Variants in USP54 observed in about 807,000 individuals in gnomAD.
USP54 encodes ubiquitin carboxyl-terminal hydrolase 54.
Under a neutral mutation model 170.5 loss-of-function variants are expected in USP54, and 87 were observed. The ratio of observed to expected loss-of-function variants is 0.51; its 90% CI spans 0.43 to 0.61. The LOEUF (loss-of-function observed/expected upper bound fraction) is 0.61. USP54 is among the 20% of genes least tolerant of loss of function. USP54 has a pLI of 0.00. For missense variants in USP54, 1,786 were observed against 2,047.8 expected (o/e 0.87, Z 2.47); for synonymous variants, 655 against 742.8 (o/e 0.88, Z 1.92).
chr10:73,592,926 C>T (rs2078393099), upstream of USP54, among the ~76,000 whole-genome samples: 1 of 152,230 alleles, frequency 6.6e-6, no homozygotes, highest in Non-Finnish European at 1.5e-5. Flanking sequence ...TCAGACATTT[C>T]TTATTCCCTC....
At chr10:73,589,965 A>G (rs2078040882) in intron 1 of USP54, among the ~76,000 whole-genome samples, 1 of 152,238 alleles carries the variant, frequency 6.6e-6, no homozygotes, top group African/African-American at 2.4e-5. Context: ...TAGCTCTACC[A>G]CTTACAATTG....
intron 1 of USP54, among the ~76,000 whole-genome samples, chr10:73,621,910 G>C (rs7899684): frequency 0.038 from 5,845 of 152,076 alleles, 348 homozygotes; most frequent in African/African-American, 0.13. Context: ...ATATCTGAGG[G>C]AGAAAATGTA....
At chr10:73,557,226 T>C (rs994260815) in intron 4 of USP54, among the ~76,000 whole-genome samples, 1 of 152,084 alleles carries the variant, frequency 6.6e-6, no homozygotes, top group African/African-American at 2.4e-5. Flanking sequence ...GCTACAGGCA[T>C]AACAGTAACT....
intron 22 of USP54, 58 bp downstream of exon 22, chr10:73,504,792 T>C (rs2058802514): frequency 3.7e-6 from 6 of 1,611,296 alleles, no homozygotes; most frequent in Non-Finnish European, 5.1e-6. Context: ...ACCTGCACTG[T>C]ATTTTTGCTT....
chr10:73,594,980 T>C (rs1335625409), upstream of USP54, among the ~76,000 whole-genome samples: 2 of 151,198 alleles, frequency 1.3e-5, no homozygotes, highest in Non-Finnish European at 2.9e-5. Context: ...GGCTGGAGTA[T>C]AGTGCCATAA....
chr10:73,583,746 C>T (rs1159971638), intron 1 of USP54, among the ~76,000 whole-genome samples: 2 of 150,240 alleles, frequency 1.3e-5, no homozygotes, highest in Admixed American at 1.3e-4. Context: ...AAGACCCTGT[C>T]TTTAAAAATA....
intron 1 of USP54, among the ~76,000 whole-genome samples, chr10:73,620,179 G>A (rs1260281336): frequency 6.7e-6 from 1 of 150,008 alleles, no homozygotes; most frequent in Non-Finnish European, 1.5e-5. Flanking sequence ...TGGGCGTGGT[G>A]GCGGGCGCCT....
chr10:73,610,760 C>T, intron 1 of USP54, among the ~76,000 whole-genome samples: 1 of 152,084 alleles, frequency 6.6e-6, no homozygotes, highest in Non-Finnish European at 1.5e-5. Flanking sequence ...TACAATATAG[C>T]CTTACCTCAG....
chr10:73,548,376 C>A (rs1300351773), intron 4 of USP54, among the ~76,000 whole-genome samples: 12 of 152,198 alleles, frequency 7.9e-5, no homozygotes, highest in Admixed American at 5.2e-4. Flanking sequence ...AATCCCTTTA[C>A]TGGGTATATA....
chr10:73,569,929 A>AAAAAAAAAAAAAAAAAAAAC (rs1564867742), intron 4 of USP54, among the ~76,000 whole-genome samples: 2 of 135,656 alleles, frequency 1.5e-5, no homozygotes, highest in Non-Finnish European at 1.7e-5. Flanking sequence ...AAAAAAAAAA[A>AAAAAAAAAAAAAAAAAAAAC]AAAAAAAAAA....
chr10:73,562,418 A>G (rs2073283161), intron 4 of USP54, among the ~76,000 whole-genome samples: 1 of 152,224 alleles, frequency 6.6e-6, no homozygotes, highest in Non-Finnish European at 1.5e-5. Flanking sequence ...TACAGAACAC[A>G]ACTATCCTGA....
At chr10:73,594,085 T>C (rs886227971), upstream of USP54, among the ~76,000 whole-genome samples, 1 of 152,126 alleles carries the variant, frequency 6.6e-6, no homozygotes, top group African/African-American at 2.4e-5. Context: ...CTCTTTTTTT[T>C]TTTGAGTCCA....
chr10:73,558,480 A>C (rs1335256369), intron 4 of USP54, among the ~76,000 whole-genome samples: 1 of 152,206 alleles, frequency 6.6e-6, no homozygotes, highest in East Asian at 1.9e-4. Flanking sequence ...ATAGTATACA[A>C]TACTATACAA....
In USP54 at chr10:73,516,576, T is replaced by C. The variant is rs1283829504; in HGVS notation, c.3850A>G (p.Lys1284Glu). The C allele has an allele frequency of 1.9e-6, 3 of 1,614,122 alleles. No homozygotes were observed. In the South Asian group the frequency reaches 3.3e-5, roughly 18 times the overall value. The change falls in exon 20 of 24, where the codon AAG becomes GAG. Residue 1284 changes from lysine (K) to glutamate (E), a missense_variant. Physicochemically the swap from Lys to Glu is moderately conservative, Grantham distance 56. This residue lies in a region of USP54 where 1,418 missense variants were observed against 1,569.0 expected (regional missense o/e 0.90). Coordinates refer to ENST00000687698, the MANE Select transcript of USP54 (RefSeq NM_001391956.1). ...GTATGGGAATCATGAGGGGAGGACT[T>C]CATTCCTGGCCTAGGTGCCCCATGC... ...LKHGAPRPGM[K>E]SSPHDSHTCV...
chr10:73,548,131 T>C (rs1383909929), intron 4 of USP54, among the ~76,000 whole-genome samples: 6 of 151,782 alleles, frequency 4.0e-5, no homozygotes, highest in Non-Finnish European at 7.4e-5. Flanking sequence ...CATGAAAAAA[T>C]GCTCATCGTC....
At chr10:73,618,077 G>A (rs1191894968) in intron 1 of USP54, among the ~76,000 whole-genome samples, 1 of 149,750 alleles carries the variant, frequency 6.7e-6, no homozygotes, top group African/African-American at 2.5e-5. Flanking sequence ...CGAGCTTGGT[G>A]GCAGGTGCCT....
chr10:73,624,221 G>T (rs1454799053), intron 1 of USP54, among the ~76,000 whole-genome samples: 1 of 109,648 alleles, frequency 9.1e-6, no homozygotes, highest in Admixed American at 1.1e-4. Flanking sequence ...TTTTTGAGAC[G>T]GAGTCTCGCT....
chr10:73,621,745 A>C (rs915790535), intron 1 of USP54, among the ~76,000 whole-genome samples: 25 of 152,178 alleles, frequency 1.6e-4, no homozygotes, highest in African/African-American at 6.0e-4. Flanking sequence ...TTACAAATAT[A>C]TAATTGCTTG....
intron 4 of USP54, among the ~76,000 whole-genome samples, chr10:73,557,229 C>T (rs1564818659): frequency 6.6e-6 from 1 of 152,094 alleles, no homozygotes; most frequent in African/African-American, 2.4e-5. Flanking sequence ...ACAGGCATAA[C>T]AGTAACTTAG....
Sources: gnomAD v4.1 joint callset for allele counts (sites outside exome capture counted in the v4.1 genomes callset) on GRCh38, gnomAD v4.1.1 for gene constraint, gnomAD v4.1.1 regional missense constraint, MANE v1.5 for transcripts, NCBI Gene and HGNC (gene_info 2026-07-23, HGNC 2026-07-21) for gene names.